SMYD3: variants seen among roughly 807,000 people sequenced by gnomAD.
SMYD3 encodes SET and MYND domain containing 3, also known as histone-lysine N-methyltransferase SMYD3.
In SMYD3, 36 loss-of-function variants were observed where a neutral mutation model predicts 57.7. The observed-to-expected ratio is 0.62, with a 90% CI of 0.48 to 0.82. The LOEUF (loss-of-function observed/expected upper bound fraction) is 0.82. Among genes scored for constraint, SMYD3 ranks in the 40% least tolerant of loss-of-function variants. SMYD3 has a pLI of 0.00. For synonymous variants in SMYD3, 211 were observed against 195.0 expected (o/e 1.08, Z -0.68); for missense variants, 515 against 538.8 (o/e 0.96, Z 0.44).
chr1:245,955,297 G>A lies in SMYD3; in HGVS notation c.532-25360C>T, dbSNP rs556741210. The stretch of plus-strand genomic sequence containing the variant: ...TTTTTAGTAGAGACGGGGTTTCACC[G>A]CATTAGCCAGGATGGTCTCGATCTC... On this transcript the variant is annotated intron_variant, in intron 5 of 11. Coordinates refer to ENST00000490107, the MANE Select transcript of SMYD3 (RefSeq NM_001167740.2). Among the ~76,000 whole-genome samples the A allele has an allele frequency of 5.9e-5, 9 of 152,170 alleles. No individual in the cohort carries two copies. The South Asian group carries it at 6.2e-4, about 11-fold the overall frequency.
At chr1:246,379,789 C>G (rs919392724) in intron 1 of SMYD3, among the ~76,000 whole-genome samples, 1 of 152,154 alleles carries the variant, frequency 6.6e-6, no homozygotes, top group Non-Finnish European at 1.5e-5. Flanking sequence ...CACTTAAGGC[C>G]AGGTGTTCAA....
At chr1:245,808,218 T>C (rs543504266) in intron 10 of SMYD3, among the ~76,000 whole-genome samples, 2 of 152,326 alleles carry the variant, frequency 1.3e-5, no homozygotes, top group Admixed American at 6.5e-5. Context: ...GGTGTTTCTT[T>C]TTTAAAATCA....
At chr1:246,387,738 T>C (rs1343498174) in intron 1 of SMYD3, among the ~76,000 whole-genome samples, 3 of 152,218 alleles carry the variant, frequency 2.0e-5, no homozygotes, top group African/African-American at 7.2e-5. Context: ...AAGTCAGTAA[T>C]TTGTTACTAT....
In SMYD3 at chr1:246,434,741, T is replaced by G. The variant is rs1572498248; in HGVS notation, c.164+72313A>C. ...GCCACTGTGGAAAGCAGTTTGGAGATTTCTCAAAGAACTTGAAACAGAGCT... is the reference window on the plus strand; with the variant it reads ...GCCACTGTGGAAAGCAGTTTGGAGAGTTCTCAAAGAACTTGAAACAGAGCT... On this transcript the variant is annotated intron_variant, in intron 1 of 11. Transcript: ENST00000490107. Among the ~76,000 whole-genome samples, 3 of 152,202 alleles carry G rather than the reference T, an allele frequency of 2.0e-5. No individual in the cohort carries two copies. The East Asian group carries it at 5.8e-4, about 29-fold the overall frequency.
chr1:245,920,060 T>C (rs1553362303), intron 7 of SMYD3, among the ~76,000 whole-genome samples: 1 of 151,650 alleles, frequency 6.6e-6, no homozygotes, highest in Non-Finnish European at 1.5e-5. Context: ...ACGCCTGTAA[T>C]CCCAGCACTT....
At chr1:245,770,069 A>G (rs1205812901) in intron 10 of SMYD3, among the ~76,000 whole-genome samples, 1 of 152,242 alleles carries the variant, frequency 6.6e-6, no homozygotes, top group Non-Finnish European at 1.5e-5. Context: ...GGAGTAGCTT[A>G]TTTCAGACCA....
chr1:246,167,600 T>A (rs999220134), intron 5 of SMYD3, among the ~76,000 whole-genome samples: 1 of 149,332 alleles, frequency 6.7e-6, no homozygotes, highest in African/African-American at 2.5e-5. Flanking sequence ...AACCTCTGCC[T>A]CCCGGGTTCA....
At chr1:246,378,726 T>TATATATAATTATATATAATATATTTA (rs58702520) in intron 1 of SMYD3, among the ~76,000 whole-genome samples, 5 of 89,856 alleles carry the variant, frequency 5.6e-5, no homozygotes, top group African/African-American at 2.4e-4. Context: ...TATAATATAT[T>TATATATAATTATATATAATATATTTA]ATATATTATA....
intron 5 of SMYD3, among the ~76,000 whole-genome samples, chr1:246,292,979 C>A (rs996825131): frequency 1.3e-5 from 2 of 152,060 alleles, no homozygotes; most frequent in Non-Finnish European, 2.9e-5. Flanking sequence ...CAAGGAAGAT[C>A]ACAAAGAATC....
intron 1 of SMYD3, among the ~76,000 whole-genome samples, chr1:246,441,910 C>T (rs1055749528): frequency 2.6e-5 from 4 of 152,238 alleles, no homozygotes; most frequent in African/African-American, 7.2e-5. Flanking sequence ...ACGCGCCCCA[C>T]CTTCTTTCTC....
At chr1:246,006,843 A>G (rs1041670102) in intron 5 of SMYD3, among the ~76,000 whole-genome samples, 1 of 152,214 alleles carries the variant, frequency 6.6e-6, no homozygotes, top group Non-Finnish European at 1.5e-5. Context: ...TGAAGACTCC[A>G]TAACAAACAA....
intron 5 of SMYD3, among the ~76,000 whole-genome samples, chr1:245,987,238 G>C (rs10924422): frequency 9.3e-4 from 142 of 152,274 alleles, no homozygotes; most frequent in African/African-American, 3.2e-3. Flanking sequence ...AGGAGAAAAG[G>C]ACTTAAACAA....
At chr1:245,799,475 T>G (rs1452173461) in intron 10 of SMYD3, among the ~76,000 whole-genome samples, 1 of 12,474 alleles carries the variant, frequency 8.0e-5, no homozygotes, top group African/African-American at 4.4e-4. Context: ...CCTTTCCAAT[T>G]AAATGAACAC....
rs139217967 is a variant in SMYD3, at chr1:246,489,207, G to A, written c.164+17847C>T. ...TAAAAATACAAAAAATTAGCCGGGC[G>A]TGGTGGCGGGCGCCTGTAGTCCCAG... is the stretch of plus-strand genomic sequence containing the variant. On this transcript the variant is annotated intron_variant, in intron 1 of 11. Coordinates refer to ENST00000490107, the MANE Select transcript of SMYD3 (RefSeq NM_001167740.2). Among the ~76,000 whole-genome samples the A allele has an allele frequency of 8.1e-4, 123 of 152,194 alleles. 2 individuals carry two copies. In the East Asian group the frequency reaches 0.019, roughly 23 times the overall value.
At chr1:245,790,190 T>C (rs2047209480) in intron 10 of SMYD3, among the ~76,000 whole-genome samples, 1 of 152,104 alleles carries the variant, frequency 6.6e-6, no homozygotes, top group African/African-American at 2.4e-5. Flanking sequence ...TGGGGGCTGG[T>C]AGATGAGTAA....
intron 5 of SMYD3, among the ~76,000 whole-genome samples, chr1:246,236,874 G>A (rs1007686114): frequency 1.3e-5 from 2 of 152,084 alleles, no homozygotes; most frequent in African/African-American, 4.8e-5. Context: ...TCTAAATTCT[G>A]AAAATGCACA....
At chr1:246,234,914 A>G (rs11590624) in intron 5 of SMYD3, among the ~76,000 whole-genome samples, 9,013 of 152,300 alleles carry the variant, frequency 0.059, 434 homozygotes, top group African/African-American at 0.12. Context: ...AAGAAGGAAA[A>G]TCAGGTCATT....
intron 5 of SMYD3, among the ~76,000 whole-genome samples, chr1:246,124,998 A>G (rs961561705): frequency 3.3e-5 from 5 of 150,702 alleles, no homozygotes; most frequent in African/African-American, 4.9e-5. Flanking sequence ...TGTGAACCCG[A>G]GAGGCGGAGC....
At chr1:246,350,065 G>C (rs2065797823) in intron 2 of SMYD3, among the ~76,000 whole-genome samples, 1 of 152,164 alleles carries the variant, frequency 6.6e-6, no homozygotes, top group South Asian at 2.1e-4. Flanking sequence ...AATGTACATG[G>C]ATGGAGAAAG....
Sources: gnomAD v4.1 joint callset for allele counts (sites outside exome capture counted in the v4.1 genomes callset) on GRCh38, gnomAD v4.1.1 for gene constraint, MANE v1.5 for transcripts, NCBI Gene and HGNC (gene_info 2026-07-23, HGNC 2026-07-21) for gene names.